Variants in SHOC1 observed in about 807,000 individuals in gnomAD.
SHOC1 encodes the protein shortage in chiasmata 1, also known as protein shortage in chiasmata 1 ortholog.
A neutral mutation model predicts 179.2 loss-of-function variants in SHOC1; 136 were observed. That is an observed-to-expected ratio of 0.76 (90% CI 0.66 to 0.87). SHOC1 has a LOEUF of 0.87. Among genes scored for constraint, SHOC1 ranks in the 40% least tolerant of loss-of-function variants. The pLI, the probability that SHOC1 is intolerant of heterozygous loss-of-function variation, is 0.00. For missense variants in SHOC1, 1,538 were observed against 1,700.8 expected (o/e 0.90, Z 1.68); for synonymous variants, 489 against 586.6 (o/e 0.83, Z 2.41).
intron 2 of SHOC1, among the ~76,000 whole-genome samples, chr9:111,787,079 T>C (rs1209245887): frequency 6.6e-6 from 1 of 152,196 alleles, no homozygotes; most frequent in Non-Finnish European, 1.5e-5. Flanking sequence ...TGTTGAGACC[T>C]ACTTTTGGGG....
At chr9:111,775,124 T>C (rs1183778672) in intron 5 of SHOC1, among the ~76,000 whole-genome samples, 1 of 152,002 alleles carries the variant, frequency 6.6e-6, no homozygotes, top group African/African-American at 2.4e-5. Context: ...GCCTCCCAAG[T>C]AGAGGGATTA....
chr9:111,790,363 A>G (rs548267201), intron 2 of SHOC1, among the ~76,000 whole-genome samples: 1 of 152,294 alleles, frequency 6.6e-6, no homozygotes, highest in South Asian at 2.1e-4. Flanking sequence ...TGGTCAATGC[A>G]TGCTATTAGT....
chr9:111,790,749 T>C (rs1472882728), intron 2 of SHOC1, among the ~76,000 whole-genome samples: 1 of 152,150 alleles, frequency 6.6e-6, no homozygotes, highest in African/African-American at 2.4e-5. Flanking sequence ...GGTTTCACCA[T>C]GTTGGCCAGG....
intron 2 of SHOC1, among the ~76,000 whole-genome samples, chr9:111,790,055 A>G (rs1347951964): frequency 1.3e-5 from 2 of 152,188 alleles, no homozygotes; most frequent in Non-Finnish European, 2.9e-5. Flanking sequence ...TTGCATGACA[A>G]TTGTTCTAGT....
At chr9:111,757,061 T>G (rs1834895391) in intron 7 of SHOC1, among the ~76,000 whole-genome samples, 1 of 152,200 alleles carries the variant, frequency 6.6e-6, no homozygotes, top group Non-Finnish European at 1.5e-5. Flanking sequence ...TTTAAGTCCA[T>G]TAAAATCTCC....
chr9:111,733,646 T>C (rs1833689467), intron 12 of SHOC1, among the ~76,000 whole-genome samples: 1 of 152,204 alleles, frequency 6.6e-6, no homozygotes, highest in Admixed American at 6.5e-5. Context: ...GGCGGGCGGA[T>C]CACCTGAGGT....
In SHOC1 at chr9:111,705,297, T is replaced by G; in HGVS notation, c.2805A>C (p.Ala935=). The G allele has an allele frequency of 6.3e-7, 1 of 1,592,892 alleles. No homozygotes were observed. ...CTGGAGTATTAAGAAGTCCTTCAGA[T>G]GCAAAAAACACATATGGAATCTGAA... The part of the protein sequence containing the change: ...LEIQIPYVFF[A]SEGLLNTPDI... Residue 935 remains alanine, a synonymous_variant, in exon 21 of 28, where the codon GCA becomes GCC. Transcript: ENST00000682961.
intron 12 of SHOC1, among the ~76,000 whole-genome samples, chr9:111,732,967 A>G (rs1833652569): frequency 6.6e-6 from 1 of 152,214 alleles, no homozygotes; most frequent in Admixed American, 6.5e-5. Flanking sequence ...ATCAGTGACA[A>G]AAGAGTAGTG....
At chr9:111,717,091 C>T (rs771996492) in intron 16 of SHOC1, among the ~76,000 whole-genome samples, 1 of 152,200 alleles carries the variant, frequency 6.6e-6, no homozygotes, top group Non-Finnish European at 1.5e-5. Flanking sequence ...TATCTGAGGT[C>T]CCACTGCTTT....
chr9:111,717,594 CA>C (rs35014939), intron 16 of SHOC1, among the ~76,000 whole-genome samples: 5,517 of 67,794 alleles, frequency 0.081, 240 homozygotes, highest in African/African-American at 0.18. Context: ...AACTCTGTCT[CA>C]AAAAAAAAAA....
chr9:111,713,766 C>A lies in SHOC1; in HGVS notation c.2416-594G>T, dbSNP rs556678714. Among the ~76,000 whole-genome samples, 3 of 152,256 alleles carry A rather than the reference C, an allele frequency of 2.0e-5. No homozygotes were observed. In the South Asian group the frequency reaches 6.2e-4, roughly 32 times the overall value. The stretch of plus-strand genomic sequence containing the variant: ...TTGATAAGATTTTAAAAAGCAATTT[C>A]TGTTAAAACTTCATTAATGCAACCT... On this transcript the variant is annotated intron_variant, in intron 17 of 27. Coordinates refer to ENST00000682961, the MANE Select transcript of SHOC1 (RefSeq NM_001378211.1).
At chr9:111,693,719 T>A (rs1589371928) in intron 26 of SHOC1, 80 bp downstream of exon 26, 9 of 938,922 alleles carry the variant, frequency 9.6e-6, no homozygotes, top group Admixed American at 8.6e-5. Flanking sequence ...ACCTTCATTT[T>A]AAAAATCCTA....
intron 19 of SHOC1, 132 bp from the exon 20 acceptor site, chr9:111,706,878 G>A: frequency 1.9e-6 from 1 of 513,714 alleles, no homozygotes; most frequent in Non-Finnish European, 3.3e-6. Context: ...AGGCACTGGT[G>A]CGTTTTCTGT....
intron 26 of SHOC1, 79 bp downstream of exon 26, chr9:111,693,719 TA>T: frequency 1.1e-6 from 1 of 938,922 alleles, no homozygotes; most frequent in Non-Finnish European, 1.5e-6. Context: ...ACCTTCATTT[TA>T]AAAATCCTAT....
intron 24 of SHOC1, among the ~76,000 whole-genome samples, chr9:111,697,190 CTT>C (rs543211755): frequency 4.9e-5 from 7 of 142,082 alleles, no homozygotes; most frequent in Non-Finnish European, 3.1e-5. Flanking sequence ...CTTTTCTCTC[CTT>C]TTTTTTTTTT....
At position 111,759,005 on chromosome 9, in the gene SHOC1, G is replaced by A. The variant is rs960387117; in HGVS notation, c.443-157C>T. 4.2e-6 allele frequency: 4 copies of A among 955,226 alleles called. No homozygotes were observed. The African/African-American group carries it at 4.9e-5, about 12-fold the overall frequency. The allele number at this position is 955,226 out of a possible 1,614,324, so 59.2% of individuals were successfully genotyped here. A position where few individuals can be genotyped will look rare whatever the true frequency, so the allele number is the denominator to read the frequency against. On this transcript the variant is annotated intron_variant, in intron 5 of 27. Transcript: ENST00000682961. ...TCATTGTACTGTGCATATAGAGCAT[G>A]TAGCATAGTTCTGGAACAAAGGCAA...
intron 12 of SHOC1, among the ~76,000 whole-genome samples, chr9:111,730,259 G>C (rs1169484631): frequency 6.6e-6 from 1 of 151,902 alleles, no homozygotes; most frequent in African/African-American, 2.4e-5. Context: ...TTGATATTTT[G>C]GCCTCCTCCC....
intron 22 of SHOC1, among the ~76,000 whole-genome samples, chr9:111,702,457 C>T (rs764719611): frequency 4.6e-5 from 7 of 152,136 alleles, no homozygotes; most frequent in Non-Finnish European, 7.3e-5. Context: ...CTGAATCTCC[C>T]GAGGTCCTAG....
rs1284035432 is a variant in SHOC1, at chr9:111,775,869, T to A, written c.364A>T (p.Thr122Ser). The A allele has an allele frequency of 6.2e-7, 1 of 1,613,806 alleles. No individual in the cohort carries two copies. Among genetic ancestry groups the A allele is most frequent in the South Asian group, 1.1e-5 (1 of 91,068 alleles). Residue 122 changes from threonine to serine, a missense_variant, in exon 5 of 28, where the codon ACC (threonine) becomes TCC (serine). Coordinates refer to ENST00000682961, the MANE Select transcript of SHOC1 (RefSeq NM_001378211.1). ...AAGACTTCATTGTAGTCCATGTGGG[T>A]GTATAAACTGACCTCCTCTACTTCA... Reference protein sequence around the residue: ...QIEVEEVSLYTHMDYNEVFTP... With the variant: ...QIEVEEVSLYSHMDYNEVFTP...
Sources: allele counts gnomAD v4.1 joint callset (sites outside exome capture counted in the v4.1 genomes callset), GRCh38; gene constraint gnomAD v4.1.1; transcripts MANE v1.5; gene names NCBI Gene and HGNC (gene_info 2026-07-23, HGNC 2026-07-21).